The following TBC1D22A variants were observed in gnomAD, a reference collection of about 807,000 sequenced individuals.
TBC1D22A encodes the protein putative GTPase activator.
Under a neutral mutation model 60.2 loss-of-function variants are expected in TBC1D22A, and 38 were observed. That is an observed-to-expected ratio of 0.63 (90% CI 0.49 to 0.83). TBC1D22A has a LOEUF of 0.83. Among genes scored for constraint, TBC1D22A ranks in the 40% least tolerant of loss-of-function variants. The pLI is 0.00. For missense variants in TBC1D22A, 628 were observed against 701.0 expected (o/e 0.90, Z 1.18); for synonymous variants, 302 against 281.7 (o/e 1.07, Z -0.72).
chr22:46,779,783 G>A (rs575449878), intron 1 of TBC1D22A, among the ~76,000 whole-genome samples: 1 of 152,354 alleles, frequency 6.6e-6, no homozygotes, highest in African/African-American at 2.4e-5. Context: ...AGCCCCTGTA[G>A]CAGGGAGTTT....
chr22:46,824,384 AAGG>A (rs1219246944), intron 4 of TBC1D22A, among the ~76,000 whole-genome samples: 6 of 152,124 alleles, frequency 3.9e-5, no homozygotes, highest in Non-Finnish European at 5.9e-5. Context: ...ATAACCCTCT[AAGG>A]AGGGGTGTGT....
At chr22:47,093,044 A>G (rs2065038698) in intron 11 of TBC1D22A, among the ~76,000 whole-genome samples, 1 of 152,208 alleles carries the variant, frequency 6.6e-6, no homozygotes. Flanking sequence ...AGCAGCAGAA[A>G]GTTAATCCTT....
At chr22:47,055,313 C>T (rs567016805) in intron 11 of TBC1D22A, among the ~76,000 whole-genome samples, 8 of 152,292 alleles carry the variant, frequency 5.3e-5, no homozygotes, top group Admixed American at 2.6e-4. Context: ...AGCTGATGCT[C>T]GGGTTGGAGC....
chr22:46,988,196 T>C (rs1471295762), intron 9 of TBC1D22A, among the ~76,000 whole-genome samples: 1 of 152,246 alleles, frequency 6.6e-6, no homozygotes, highest in Admixed American at 6.5e-5. Flanking sequence ...TTTCTAATTC[T>C]GTTGTCTATT....
intron 10 of TBC1D22A, among the ~76,000 whole-genome samples, chr22:47,014,775 C>T (rs112898020): frequency 3.6e-4 from 51 of 141,390 alleles, no homozygotes; most frequent in African/African-American, 1.1e-3. Context: ...GGCTCCAGCG[C>T]GGCCTGTGTG....
intron 8 of TBC1D22A, among the ~76,000 whole-genome samples, chr22:46,947,447 C>G (rs2072618145): frequency 6.6e-6 from 1 of 152,170 alleles, no homozygotes; most frequent in Admixed American, 6.5e-5. Flanking sequence ...CCCTTCAGTC[C>G]TCCACCGTCA....
intron 4 of TBC1D22A, among the ~76,000 whole-genome samples, chr22:46,841,073 T>TGTGTGTGTGTGAGA (rs35099198): frequency 2.0e-5 from 3 of 148,568 alleles, no homozygotes; most frequent in African/African-American, 7.5e-5. Flanking sequence ...TGTGTGTGTG[T>TGTGTGTGTGTGAGA]GAGAGAGAGA....
chr22:47,010,991 G>A (rs553031532), intron 10 of TBC1D22A, among the ~76,000 whole-genome samples: 34 of 152,336 alleles, frequency 2.2e-4, no homozygotes, highest in African/African-American at 7.9e-4. Flanking sequence ...AGTGCCTGCA[G>A]TGTACTGGGC....
chr22:46,835,308 A>G (rs926439072), intron 4 of TBC1D22A, among the ~76,000 whole-genome samples: 3 of 152,390 alleles, frequency 2.0e-5, no homozygotes, highest in Admixed American at 6.5e-5. Context: ...ATTTCCTGAC[A>G]AAGAATTTAA....
chr22:47,127,615 G>C (rs888651074), intron 12 of TBC1D22A, among the ~76,000 whole-genome samples: 1 of 152,044 alleles, frequency 6.6e-6, no homozygotes, highest in Non-Finnish European at 1.5e-5. Context: ...CCTGTGGCCA[G>C]CTTGCTCTTC....
intron 6 of TBC1D22A, 64 bp downstream of exon 6, chr22:46,891,458 AG>A (rs2068404387): frequency 1.0e-5 from 15 of 1,502,504 alleles, no homozygotes; most frequent in African/African-American, 1.4e-5. Context: ...GATTTATAGG[AG>A]GAAATGTTTT....
At chr22:46,858,655 C>T (rs2087698315) in intron 4 of TBC1D22A, among the ~76,000 whole-genome samples, 2 of 152,280 alleles carry the variant, frequency 1.3e-5, no homozygotes, top group South Asian at 2.1e-4. Context: ...GCAGGTGGAC[C>T]GAGGGGGAGC....
At chr22:46,881,820 A>G (rs539125978) in intron 5 of TBC1D22A, among the ~76,000 whole-genome samples, 1 of 152,318 alleles carries the variant, frequency 6.6e-6, no homozygotes, top group Admixed American at 6.5e-5. Flanking sequence ...GCCATGCTCC[A>G]TGCCCTGTGT....
intron 9 of TBC1D22A, among the ~76,000 whole-genome samples, chr22:46,989,195 T>G (rs1025843042): frequency 2.0e-5 from 3 of 152,246 alleles, no homozygotes; most frequent in African/African-American, 7.2e-5. Context: ...CTTAGGAGAA[T>G]GTGTAGCTGT....
chr22:46,873,723 C>T (rs549259255), intron 4 of TBC1D22A, among the ~76,000 whole-genome samples: 83 of 152,210 alleles, frequency 5.5e-4, no homozygotes, highest in African/African-American at 1.9e-3. Context: ...TTCCTGTTCC[C>T]GCGTTAGTTT....
intron 12 of TBC1D22A, among the ~76,000 whole-genome samples, chr22:47,146,778 G>A (rs972497257): frequency 1.3e-5 from 2 of 152,196 alleles, no homozygotes; most frequent in African/African-American, 2.4e-5. Flanking sequence ...AGGATGGGAC[G>A]CCAGGGCTGG....
At chr22:47,104,851 C>G (rs907383182) in intron 11 of TBC1D22A, among the ~76,000 whole-genome samples, 2 of 152,176 alleles carry the variant, frequency 1.3e-5, no homozygotes, top group African/African-American at 2.4e-5. Flanking sequence ...ACAAACTCAA[C>G]CAGTTGTCAA....
chr22:46,969,284 A>C (rs2073954547), intron 8 of TBC1D22A, among the ~76,000 whole-genome samples: 1 of 152,182 alleles, frequency 6.6e-6, no homozygotes, highest in Non-Finnish European at 1.5e-5. Context: ...GCCCTTCTGC[A>C]GAAAATAGTG....
In TBC1D22A at chr22:46,797,556, CGAAAGA is replaced by C; in HGVS notation, c.576_581del (p.Arg193_Glu194del). 6.2e-7 allele frequency: 1 copy of C among 1,613,778 alleles called. No homozygotes were observed. The highest frequency in any genetic ancestry group is 1.1e-5 in the South Asian group (1 of 91,054). On this transcript the variant is annotated inframe_deletion, in exon 4 of 13. Coordinates refer to ENST00000337137, the MANE Select transcript of TBC1D22A (RefSeq NM_014346.5). ...GCACTCTCAGCAGCTCAGCGCTGAG[CGAAAGA>C]GAGGCCTCCCGGCTCGACAAGTTCA...
Sources: gnomAD v4.1 joint callset for allele counts (sites outside exome capture counted in the v4.1 genomes callset) on GRCh38, gnomAD v4.1.1 for gene constraint, MANE v1.5 for transcripts, NCBI Gene and HGNC (gene_info 2026-07-23, HGNC 2026-07-21) for gene names.